PCDH11X: variants seen among roughly 807,000 people sequenced by gnomAD.
The protein encoded by PCDH11X is protocadherin-11 X-linked.
Under a neutral mutation model 53.3 loss-of-function variants are expected in PCDH11X, and 18 were observed. The ratio of observed to expected loss-of-function variants is 0.34; its 90% CI spans 0.23 to 0.50. The LOEUF is 0.50. Among genes scored for constraint, PCDH11X ranks in the 20% least tolerant of loss-of-function variants. PCDH11X has a pLI of 0.98. For missense variants in PCDH11X, 570 were observed against 1,032.4 expected (o/e 0.55, Z 6.14); for synonymous variants, 279 against 393.3 (o/e 0.71, Z 3.44).
At chrX:92,005,664 T>A (rs1294459) in intron 6 of PCDH11X, among the ~76,000 whole-genome samples, 1 of 110,546 alleles carries the variant, frequency 9.0e-6, no homozygotes, top group East Asian at 2.9e-4. Flanking sequence ...TATAATATTC[T>A]GTATTTTTCT....
At chrX:92,154,043 A>T (rs989836922) in intron 6 of PCDH11X, among the ~76,000 whole-genome samples, 1 of 110,474 alleles carries the variant, frequency 9.1e-6, no homozygotes, top group Non-Finnish European at 1.9e-5. Flanking sequence ...TATAGCACAA[A>T]AATAGGTTGA....
intron 6 of PCDH11X, among the ~76,000 whole-genome samples, chrX:91,922,634 T>C (rs1384972692): frequency 2.7e-5 from 3 of 112,302 alleles, no homozygotes; most frequent in Non-Finnish European, 5.6e-5. Context: ...TAAACCCTAT[T>C]GTGAACTGTG....
chrX:91,919,866 T>C (rs981426722), intron 6 of PCDH11X, among the ~76,000 whole-genome samples: 3 of 111,800 alleles, frequency 2.7e-5, no homozygotes, highest in African/African-American at 9.7e-5. Context: ...TAAAAGAAGT[T>C]GATTACCCAC....
At chrX:92,177,342 G>C (rs1252600196) in intron 6 of PCDH11X, among the ~76,000 whole-genome samples, 1 of 111,150 alleles carries the variant, frequency 9.0e-6, no homozygotes, top group Non-Finnish European at 1.9e-5. Flanking sequence ...AATGTCTTTG[G>C]AGAAGTTCTT....
chrX:92,268,774 T>C (rs991911871), intron 8 of PCDH11X, among the ~76,000 whole-genome samples: 1 of 111,872 alleles, frequency 8.9e-6, no homozygotes, highest in African/African-American at 3.3e-5. Context: ...CACTTTGATC[T>C]TTTGGGATTC....
intron 6 of PCDH11X, among the ~76,000 whole-genome samples, chrX:91,906,409 C>G (rs1432893927): frequency 9.2e-6 from 1 of 108,865 alleles, no homozygotes; most frequent in Non-Finnish European, 1.9e-5. Flanking sequence ...ATATTAACCA[C>G]TTTGATAAAA....
chrX:91,791,422 C>T (rs769051457), intron 1 of PCDH11X, among the ~76,000 whole-genome samples: 177 of 109,434 alleles, frequency 1.6e-3, no homozygotes, highest in South Asian at 2.8e-3. Flanking sequence ...AGGAGGAAGA[C>T]GGAGCAGGTG....
At chrX:91,787,355 A>G (rs144256199) in intron 1 of PCDH11X, among the ~76,000 whole-genome samples, 1,254 of 111,419 alleles carry the variant, frequency 0.011, 20 homozygotes, top group African/African-American at 0.036. Context: ...TTTGTATCAT[A>G]TCAACCGAAA....
At chrX:91,995,199 C>T (rs1171487183) in intron 6 of PCDH11X, among the ~76,000 whole-genome samples, 1 of 105,336 alleles carries the variant, frequency 9.5e-6, no homozygotes, top group African/African-American at 3.5e-5. Flanking sequence ...TGTTGCCTAT[C>T]CTTTTGGTGT....
At chrX:92,270,477 T>C (rs1345345961) in intron 8 of PCDH11X, among the ~76,000 whole-genome samples, 1 of 112,048 alleles carries the variant, frequency 8.9e-6, no homozygotes, top group Non-Finnish European at 1.9e-5. Flanking sequence ...GTTCCCTTCA[T>C]TGGTCACCAA....
intron 8 of PCDH11X, among the ~76,000 whole-genome samples, chrX:92,374,174 A>C (rs1446172813): frequency 9.1e-6 from 1 of 109,588 alleles, no homozygotes; most frequent in Non-Finnish European, 1.9e-5. Context: ...TCAAAACCTC[A>C]CTTTTATATT....
intron 1 of PCDH11X, among the ~76,000 whole-genome samples, chrX:91,808,658 T>A (rs1390567668): frequency 1.8e-5 from 2 of 110,558 alleles, no homozygotes; most frequent in African/African-American, 6.6e-5. Flanking sequence ...ATAAAAAATG[T>A]AATAGTGGCT....
At chrX:92,466,918 T>C (rs1004547156) in intron 9 of PCDH11X, among the ~76,000 whole-genome samples, 7 of 109,744 alleles carry the variant, frequency 6.4e-5, no homozygotes, top group African/African-American at 2.3e-4. Context: ...TAAAGCAGTC[T>C]TTCTCTTTTT....
chrX:92,098,122 A>G (rs1376835141), intron 6 of PCDH11X, among the ~76,000 whole-genome samples: 7 of 110,660 alleles, frequency 6.3e-5, no homozygotes, highest in African/African-American at 1.3e-4. Context: ...TATTTTAGGG[A>G]AAAAAATGAG....
At chrX:92,506,216 CT>C (rs1180678297) in intron 10 of PCDH11X, among the ~76,000 whole-genome samples, 10 of 40,205 alleles carry the variant, frequency 2.5e-4, no homozygotes, top group African/African-American at 6.5e-4. Flanking sequence ...CTTTTCTTTT[CT>C]TTTTTTTTTT....
chrX:92,341,303 C>T (rs981152485), intron 8 of PCDH11X, among the ~76,000 whole-genome samples: 8 of 111,474 alleles, frequency 7.2e-5, no homozygotes, highest in African/African-American at 2.3e-4. Flanking sequence ...TGAGCCCTCC[C>T]GACTCTTCAA....
chrX:92,285,731 G>A (rs936236203), intron 8 of PCDH11X, among the ~76,000 whole-genome samples: 4 of 111,073 alleles, frequency 3.6e-5, no homozygotes, highest in Admixed American at 9.6e-5. Context: ...AGACCAGCTC[G>A]GTCATGGAGA....
intron 6 of PCDH11X, among the ~76,000 whole-genome samples, chrX:92,189,669 G>T (rs906134896): frequency 1.8e-5 from 2 of 111,863 alleles, no homozygotes; most frequent in Non-Finnish European, 3.8e-5. Flanking sequence ...AAACTAATTT[G>T]CACTCCTACC....
At chrX:92,262,995 T>A (rs2067750044) in intron 7 of PCDH11X, 119 bp from the exon 8 acceptor site, 1 of 1,070,786 alleles carries the variant, frequency 9.3e-7, no homozygotes, top group Non-Finnish European at 1.2e-6. Context: ...ACTGGGAATG[T>A]TGACATGCTT....
Sources: gnomAD v4.1 joint callset for allele counts (sites outside exome capture counted in the v4.1 genomes callset) on GRCh38, gnomAD v4.1.1 for gene constraint, MANE v1.5 for transcripts, NCBI Gene and HGNC (gene_info 2026-07-23, HGNC 2026-07-21) for gene names.